The following PCDHA9 variants were observed in gnomAD, a reference collection of about 807,000 sequenced individuals.
PCDHA9 encodes protocadherin alpha 9.
Under a neutral mutation model 62.0 loss-of-function variants are expected in PCDHA9, and 62 were observed. That is an observed-to-expected ratio of 1.00 (90% confidence interval 0.81 to 1.23). The LOEUF is 1.23. Among genes scored for constraint, PCDHA9 ranks in the 50% most tolerant of loss-of-function variants. The pLI is 0.00. For synonymous variants in PCDHA9, 557 were observed against 567.6 expected, an observed-to-expected ratio of 0.98 and a Z score of 0.27; for missense variants, 1,205 against 1,249.8, an observed-to-expected ratio of 0.96 and a Z score of 0.54.
chr5:141,010,001 A>G lies in PCDHA9; in HGVS notation c.*64A>G. The G allele has an allele frequency of 6.4e-7, 1 of 1,574,588 alleles. No homozygotes were observed. The highest frequency in any genetic ancestry group is 8.6e-7 in the Non-Finnish European group (1 of 1,164,348). On this transcript the variant is annotated 3_prime_UTR_variant, in exon 4 of 4. Transcript: ENST00000532602. ...TAATAATGGCAAATCTCTCCCATGT[A>G]GCAATTCCCTGCTCCTTTTTCCTAT...
chr5:140,966,413 A>G, intron 1 of PCDHA9: 2 of 419,134 alleles, frequency 4.8e-6, no homozygotes, highest in South Asian at 1.0e-4. Flanking sequence ...GAATCAGAGC[A>G]GGACTTGCTG....
At chr5:140,887,157 C>T (rs1200573671) in intron 1 of PCDHA9, among the ~76,000 whole-genome samples, 4 of 151,110 alleles carry the variant, frequency 2.6e-5, no homozygotes, top group African/African-American at 9.7e-5. Flanking sequence ...AGTACAGTGG[C>T]GTGATCTCGG....
rs545473160 is a variant in PCDHA9 at position 140,873,172 on chromosome 5, G to C, written c.2394+22283G>C. ...CATAGACTTTAGATCGAGAGCTTTT[G>C]TATCATAATATTCATTGGCTAAAAA... On this transcript the variant is annotated intron_variant, in intron 1 of 3. Transcript: ENST00000532602. 2.6e-5 allele frequency among the ~76,000 whole-genome samples: 4 copies of C among 152,084 alleles called. No individual in the cohort carries two copies. In the South Asian group the frequency reaches 8.3e-4, roughly 32 times the overall value.
At chr5:140,871,187 T>C in intron 1 of PCDHA9, 1 of 1,613,626 alleles carries the variant, frequency 6.2e-7, no homozygotes, top group Non-Finnish European at 8.5e-7. Flanking sequence ...CTGGTGGATG[T>C]CAACGTGTAC....
chr5:140,898,905 C>T (rs1313193763), intron 1 of PCDHA9, among the ~76,000 whole-genome samples: 5 of 152,060 alleles, frequency 3.3e-5, no homozygotes, highest in South Asian at 2.1e-4. Context: ...AGGTCCTTCA[C>T]GTCCCTTGTA....
At chr5:140,856,471 A>G (rs782438318) in intron 1 of PCDHA9, 6 of 1,597,856 alleles carry the variant, frequency 3.8e-6, no homozygotes, top group South Asian at 2.2e-5. Flanking sequence ...AGCTCTCAAT[A>G]CCTGAATCCA....
intron 1 of PCDHA9, among the ~76,000 whole-genome samples, chr5:140,939,247 T>C (rs1413301027): frequency 6.6e-6 from 1 of 152,246 alleles, no homozygotes; most frequent in South Asian, 2.1e-4. Context: ...GCAAGGTAGC[T>C]CTCTGGAACC....
At chr5:140,993,571 G>A (rs1298531948) in intron 3 of PCDHA9, among the ~76,000 whole-genome samples, 1 of 151,484 alleles carries the variant, frequency 6.6e-6, no homozygotes, top group Non-Finnish European at 1.5e-5. Flanking sequence ...TCCTTTCTAG[G>A]GATGCTTTTC....
Position 140,849,154 on chromosome 5 carries a change from C to G in PCDHA9, c.659C>G (p.Pro220Arg). 8.1e-7 allele frequency: 1 copy of G among 1,231,386 alleles called. No homozygotes were observed. The highest frequency in any genetic ancestry group is 1.1e-6 in the Non-Finnish European group (1 of 893,992). 76.3% of individuals were successfully genotyped at this position (1,231,386 alleles called of 1,614,324 possible). A position where few individuals can be genotyped will look rare whatever the true frequency, so the allele number is the denominator to read the frequency against. ...CTCACGGCCACCGATGGAGGCAAAC[C>G]CGAGCTGACTGGCACCGTTCAATTA... Reference protein sequence around the residue: ...LLLTATDGGKPELTGTVQLLI... With the variant: ...LLLTATDGGKRELTGTVQLLI... The change falls in exon 1 of 4, where the codon CCC becomes CGC. Residue 220 changes from proline to arginine, a missense_variant. Coordinates refer to ENST00000532602, the MANE Select transcript of PCDHA9 (RefSeq NM_031857.2).
At chr5:141,001,025 TA>T (rs1300694860) in intron 3 of PCDHA9, among the ~76,000 whole-genome samples, 1 of 152,246 alleles carries the variant, frequency 6.6e-6, no homozygotes, top group African/African-American at 2.4e-5. Context: ...ACACTTATAA[TA>T]ATAGCTTTAA....
rs147906609 is a variant in PCDHA9 at position 140,848,609 on chromosome 5, A to G, written c.114A>G (p.Glu38=). The G allele has an allele frequency of 2.9e-3, 4,585 of 1,584,560 alleles. 516 individuals carry two copies. Among genetic ancestry groups the G allele is most frequent in the Middle Eastern group, 0.01 (58 of 5,734 alleles). The change falls in exon 1 of 4, where the codon GAA becomes GAG. Residue 38 remains glutamate, a synonymous_variant. Coordinates refer to ENST00000532602, the MANE Select transcript of PCDHA9 (RefSeq NM_031857.2). The part of the protein sequence containing the change: ...SGQLHYSVPE[E]AEHGTFVGRI... ...AGCTCCACTACTCCGTCCCGGAGGAAGCCGAACACGGCACCTTCGTGGGCC... is the reference window on the plus strand; with the variant it reads ...AGCTCCACTACTCCGTCCCGGAGGAGGCCGAACACGGCACCTTCGTGGGCC...
intron 1 of PCDHA9, chr5:140,884,066 G>T (rs2059975136): frequency 6.2e-7 from 1 of 1,613,514 alleles, no homozygotes; most frequent in Non-Finnish European, 8.5e-7. Context: ...GGTGGACGCC[G>T]ATTCGGGCTA....
chr5:140,972,820 C>T (rs1247488574), intron 1 of PCDHA9, among the ~76,000 whole-genome samples: 1 of 151,962 alleles, frequency 6.6e-6, no homozygotes, highest in Non-Finnish European at 1.5e-5. Context: ...CGCGCCACCA[C>T]GCCTGGCTAA....
intron 1 of PCDHA9, chr5:140,876,016 A>G (rs1554168175): frequency 6.2e-7 from 1 of 1,613,818 alleles, no homozygotes; most frequent in South Asian, 1.1e-5. Flanking sequence ...TGAGCTTAAA[A>G]TAAAAACAAA....
At chr5:140,966,679 G>A (rs1554228549) in intron 1 of PCDHA9, 1 of 1,317,562 alleles carries the variant, frequency 7.6e-7, no homozygotes, top group Non-Finnish European at 9.8e-7. Flanking sequence ...AGGGTGGCAC[G>A]AGCGGAGGCG....
chr5:140,928,161 C>T (rs155820), intron 1 of PCDHA9: 1 of 1,613,960 alleles, frequency 6.2e-7, no homozygotes, highest in South Asian at 1.1e-5. Context: ...GTGGCTCACC[C>T]CCACTTAGCA....
rs374146742 is a variant in PCDHA9 at position 140,927,954 on chromosome 5, C to T, written c.2395-50995C>T. ...CGAACCCAGTACCTGAGGACGCTGC[C>T]CCTGGCACAGTGATTGCTCTCTTTA... On this transcript the variant is annotated intron_variant, in intron 1 of 3. Transcript: ENST00000532602. The T allele has an allele frequency of 5.2e-5, 84 of 1,614,080 alleles. No homozygotes were observed. In the African/African-American group the frequency reaches 1.0e-3, roughly 19 times the overall value.
Position 140,857,291 on chromosome 5 carries a change from G to A in PCDHA9, c.2394+6402G>A. 7 of 1,598,730 alleles carry A rather than the reference G, an allele frequency of 4.4e-6. 1 individual carries two copies. Among genetic ancestry groups the A allele is most frequent in the East Asian group, 4.5e-5 (2 of 44,850 alleles). On this transcript the variant is annotated intron_variant, in intron 1 of 3. Transcript: ENST00000532602. ...GGTGCTGGACAGCGCTCTGGACCGC[G>A]AGAGGGTGTCGGCCTATGAGCTGGT...
At position 140,858,141 on chromosome 5, in the gene PCDHA9, T is replaced by C. The variant is rs1247420166; in HGVS notation, c.2394+7252T>C. 4 of 1,597,496 alleles carry C rather than the reference T, an allele frequency of 2.5e-6. No individual in the cohort carries two copies. The African/African-American group carries it at 5.4e-5, about 21-fold the overall frequency. ...GCCCTGGTGGATGTCAACGTGTACC[T>C]GATCATCGCCATCTGCGCGGTGTCC... On this transcript the variant is annotated intron_variant, in intron 1 of 3. Transcript: ENST00000532602.
Sources: allele counts gnomAD v4.1 joint callset (sites outside exome capture counted in the v4.1 genomes callset), GRCh38; gene constraint gnomAD v4.1.1; transcripts MANE v1.5; gene names NCBI Gene and HGNC (gene_info 2026-07-23, HGNC 2026-07-21).